CFAP92: variants seen among roughly 807,000 people sequenced by gnomAD.
The protein encoded by CFAP92 is cilia and flagella associated protein 92 (putative).
A neutral mutation model predicts 106.3 loss-of-function variants in CFAP92; 86 were observed. The ratio of observed to expected loss-of-function variants is 0.81; its 90% CI spans 0.68 to 0.97. The LOEUF is 0.97. Ranked by LOEUF, CFAP92 falls within the 50% of genes least tolerant of loss-of-function variation. The pLI is 0.00. For missense variants in CFAP92, 1,204 were observed against 1,283.8 expected (o/e 0.94, Z 0.95); for synonymous variants, 477 against 506.4 (o/e 0.94, Z 0.78).
intron 4 of CFAP92, among the ~76,000 whole-genome samples, chr3:128,980,278 G>C (rs1943443969): frequency 6.6e-6 from 1 of 150,862 alleles, no homozygotes; most frequent in Admixed American, 6.6e-5. Flanking sequence ...GAGGTGGGAG[G>C]GCTGCTTGAT....
Position 128,936,533 on chromosome 3 carries a change from C to T in CFAP92, c.2259-1214G>A, listed in dbSNP as rs190618644. Among the ~76,000 whole-genome samples, 8 of 152,220 alleles carry T rather than the reference C, an allele frequency of 5.3e-5. 1 individual carries two copies. The Middle Eastern group carries it at 0.014, about 259-fold the overall frequency. On this transcript the variant is annotated intron_variant, in intron 10 of 15. Coordinates refer to ENST00000645291, the MANE Select transcript of CFAP92 (RefSeq NM_001394090.1). The stretch of plus-strand genomic sequence containing the variant: ...AGGCGGGGAGAAAGCACCCAGGGCA[C>T]GTAGCACTGCTCCAGGAATGTCATT...
intron 4 of CFAP92, among the ~76,000 whole-genome samples, chr3:128,987,249 G>T (rs991641268): frequency 1.1e-4 from 16 of 152,108 alleles, no homozygotes; most frequent in African/African-American, 3.6e-4. Context: ...CAATTGGCTT[G>T]GGGTGGTGGG....
At chr3:128,993,544 G>T in intron 1 of CFAP92, 2 of 577,514 alleles carry the variant, frequency 3.5e-6, no homozygotes, top group Non-Finnish European at 6.1e-6. Context: ...AACAGATAAG[G>T]GTGGCTGGCA....
At chr3:128,994,829 G>A (rs1343280117), upstream of CFAP92, among the ~76,000 whole-genome samples, 1 of 152,204 alleles carries the variant, frequency 6.6e-6, no homozygotes, top group Non-Finnish European at 1.5e-5. Flanking sequence ...TGGAGGAAGT[G>A]AGCAACGCCA....
At position 128,977,075 on chromosome 3, in the gene CFAP92, A is replaced by G; in HGVS notation, c.809-9T>C. The G allele has an allele frequency of 6.2e-7, 1 of 1,611,752 alleles. No homozygotes were observed. The highest frequency in any genetic ancestry group is 1.1e-5 in the South Asian group (1 of 91,016). On this transcript the variant is annotated splice_polypyrimidine_tract_variant and intron_variant, in intron 5 of 15. Transcript: ENST00000645291. ...CTCTGCTTGGTGAGAACCTGAAAACAGTAGCAAATATTTCCAAGCTTTTTG... is the reference window on the plus strand; with the variant it reads ...CTCTGCTTGGTGAGAACCTGAAAACGGTAGCAAATATTTCCAAGCTTTTTG...
Position 128,910,346 on chromosome 3 carries a change from G to C in CFAP92, c.3281-13C>G. The C allele has an allele frequency of 6.8e-7, 1 of 1,470,136 alleles. No homozygotes were observed. Among genetic ancestry groups the C allele is most frequent in the Non-Finnish European group, 9.0e-7 (1 of 1,113,750 alleles). 91.1% of individuals were successfully genotyped at this position (1,470,136 alleles called of 1,614,324 possible). ...TTCTTCTTCCTGACTGAGAGAAGAG[G>C]GGGTGAGTGACAGGGGTTCCTGATC... On this transcript the variant is annotated splice_polypyrimidine_tract_variant and intron_variant, in intron 15 of 15. Coordinates refer to ENST00000645291, the MANE Select transcript of CFAP92 (RefSeq NM_001394090.1).
At chr3:128,960,149 A>C (rs1440825883) in intron 9 of CFAP92, among the ~76,000 whole-genome samples, 1 of 151,848 alleles carries the variant, frequency 6.6e-6, no homozygotes, top group Non-Finnish European at 1.5e-5. Context: ...CCCTTCGCTG[A>C]CTCTCTTTTC....
intron 10 of CFAP92, among the ~76,000 whole-genome samples, chr3:128,941,136 G>C (rs1939578167): frequency 6.6e-6 from 1 of 151,908 alleles, no homozygotes; most frequent in African/African-American, 2.4e-5. Context: ...ACATCTTTTT[G>C]TCAAATTTAG....
the CFAP92 span, among the ~76,000 whole-genome samples, chr3:129,016,836 C>T: frequency 6.6e-6 from 1 of 152,170 alleles, no homozygotes; most frequent in Non-Finnish European, 1.5e-5. Context: ...CCTTATTGCA[C>T]TCCCAAGCAG....
chr3:128,983,244 C>T (rs947273627), intron 4 of CFAP92, among the ~76,000 whole-genome samples: 6 of 152,188 alleles, frequency 3.9e-5, no homozygotes, highest in African/African-American at 1.4e-4. Context: ...ACAATAAGCA[C>T]ACATGTCTGG....
chr3:128,910,194 G>C lies in CFAP92; in HGVS notation c.*105C>G. On this transcript the variant is annotated 3_prime_UTR_variant, in exon 16 of 16. Transcript: ENST00000645291. ...ACACAGGGCCTGGCTGCTGCCATCT[G>C]TCCTGCTGCACTTTAATGAAGTTGA... 6.2e-7 allele frequency: 1 copy of C among 1,612,838 alleles called. No homozygotes were observed. Among genetic ancestry groups the C allele is most frequent in the Non-Finnish European group, 8.5e-7 (1 of 1,179,806 alleles).
chr3:128,969,522 G>A (rs144720412), intron 8 of CFAP92: 5,877 of 151,980 alleles, frequency 0.039, 295 homozygotes, highest in African/African-American at 0.11. Context: ...GTAGTGAGCC[G>A]AGATCGCGCC....
chr3:128,961,745 C>A (rs1308394331), intron 9 of CFAP92, among the ~76,000 whole-genome samples: 1 of 152,150 alleles, frequency 6.6e-6, no homozygotes, highest in Non-Finnish European at 1.5e-5. Context: ...ATTTTATTAC[C>A]CAATCTGCTC....
chr3:128,957,817 C>T (rs778838336), intron 9 of CFAP92, among the ~76,000 whole-genome samples: 12 of 126,094 alleles, frequency 9.5e-5, no homozygotes, highest in African/African-American at 1.8e-4. Context: ...CAGTTTCCTA[C>T]GAAGCGCCAT....
the CFAP92 span, among the ~76,000 whole-genome samples, chr3:129,024,270 C>A: frequency 5.3e-5 from 8 of 152,232 alleles, no homozygotes; most frequent in East Asian, 1.5e-3. Context: ...GTGGCTCACA[C>A]CTGTAATCCC....
rs1007035296 is a variant in CFAP92, at chr3:128,992,952, G to C, written c.262+91C>G. ...CGCTTTGGGGTGGGGCAGGTGGAGA[G>C]AGGATGTGGGGTGTATGCGCCCTAA... On this transcript the variant is annotated intron_variant, in intron 2 of 15. Coordinates refer to ENST00000645291, the MANE Select transcript of CFAP92 (RefSeq NM_001394090.1). 4.8e-6 allele frequency: 7 copies of C among 1,460,168 alleles called. No homozygotes were observed. In the African/African-American group the frequency reaches 8.3e-5, roughly 17 times the overall value. The allele number at this position is 1,460,168 out of a possible 1,614,324, so 90.5% of individuals were successfully genotyped here.
chr3:128,953,187 T>A (rs573532186), intron 9 of CFAP92, among the ~76,000 whole-genome samples: 1 of 151,936 alleles, frequency 6.6e-6, no homozygotes, highest in East Asian at 2.0e-4. Context: ...GAGGAAAGAA[T>A]CTGTAAACCT....
At chr3:129,004,465 A>G (rs1379572680), upstream of CFAP92, among the ~76,000 whole-genome samples, 3 of 138,092 alleles carry the variant, frequency 2.2e-5, no homozygotes, top group Non-Finnish European at 4.6e-5. Flanking sequence ...CCATCCATCT[A>G]TTCATCCATC....
chr3:128,976,043 A>C, intron 6 of CFAP92, 140 bp from the exon 7 acceptor site: 1 of 753,460 alleles, frequency 1.3e-6, no homozygotes, highest in Non-Finnish European at 2.0e-6. Flanking sequence ...AGTGCTTCTC[A>C]GTTTTCAATG....
Sources: allele counts gnomAD v4.1 joint callset (sites outside exome capture counted in the v4.1 genomes callset), GRCh38; gene constraint gnomAD v4.1.1; transcripts MANE v1.5; gene names NCBI Gene and HGNC (gene_info 2026-07-23, HGNC 2026-07-21).